The following NCALD variants were observed in gnomAD, a reference collection of about 807,000 sequenced individuals.
NCALD encodes the protein neurocalcin-delta.
In NCALD, 10 loss-of-function variants were observed where a neutral mutation model predicts 18.6. That is an observed-to-expected ratio of 0.54 (90% CI 0.33 to 0.91). The LOEUF is 0.91. Ranked by LOEUF, NCALD falls within the 40% of genes least tolerant of loss-of-function variation. The probability of loss-of-function intolerance (pLI) is 0.03; values close to 1 mark genes in which losing one functional copy is unlikely to be tolerated. For missense variants in NCALD, 184 were observed against 247.6 expected (o/e 0.74, Z 1.72); for synonymous variants, 88 against 87.4 (o/e 1.01, Z -0.04).
At chr8:101,699,268 C>A in intron 2 of NCALD, among the ~76,000 whole-genome samples, 1 of 152,160 alleles carries the variant, frequency 6.6e-6, no homozygotes, top group East Asian at 1.9e-4. Context: ...ACAATAGATG[C>A]TGGTGAGGCT....
At chr8:101,750,669 T>C (rs1404866173) in intron 1 of NCALD, 2 of 152,260 alleles carry the variant, frequency 1.3e-5, no homozygotes, top group African/African-American at 4.8e-5. Flanking sequence ...ATTCTCCTTT[T>C]AAAAATTCCC....
intron 2 of NCALD, among the ~76,000 whole-genome samples, chr8:101,938,367 T>G (rs1408758889): frequency 6.6e-6 from 1 of 152,206 alleles, no homozygotes; most frequent in East Asian, 1.9e-4. Context: ...AGTGAAGCCA[T>G]AGCTCAGAGG....
intron 1 of NCALD, among the ~76,000 whole-genome samples, chr8:101,753,996 C>A (rs911495983): frequency 2.0e-5 from 3 of 152,140 alleles, no homozygotes. Context: ...GACAATGCCC[C>A]AACCACTGGT....
chr8:101,891,937 G>A (rs1358379738), intron 3 of NCALD, among the ~76,000 whole-genome samples: 1 of 152,202 alleles, frequency 6.6e-6, no homozygotes, highest in Non-Finnish European at 1.5e-5. Flanking sequence ...GGCTGGGGGA[G>A]GGGCGCCCGC....
intron 2 of NCALD, among the ~76,000 whole-genome samples, chr8:101,938,393 C>CGGTT (rs1818838842): frequency 6.6e-6 from 1 of 152,178 alleles, no homozygotes; most frequent in Non-Finnish European, 1.5e-5. Flanking sequence ...AAGTCCTCCA[C>CGGTT]GGTTACATAG....
At chr8:101,913,789 C>A (rs372903259) in intron 3 of NCALD, among the ~76,000 whole-genome samples, 1 of 152,298 alleles carries the variant, frequency 6.6e-6, no homozygotes, top group African/African-American at 2.4e-5. Context: ...TCCATGTTGG[C>A]CAGGCTGGTC....
intron 1 of NCALD, among the ~76,000 whole-genome samples, chr8:102,038,681 A>G (rs1328067029): frequency 6.6e-6 from 1 of 152,160 alleles, no homozygotes; most frequent in Non-Finnish European, 1.5e-5. Flanking sequence ...AATTCACTTT[A>G]GCCATGTGGC....
rs1360409177 is a variant in NCALD, at chr8:101,930,023, C to A, written c.-156-14165G>T. ...TGAGCCAAGATCACACCACTGCACTCCAGCCTGGGTGACAGAGTGAGACTC... is the reference window on the plus strand; with the variant it reads ...TGAGCCAAGATCACACCACTGCACTACAGCCTGGGTGACAGAGTGAGACTC... On this transcript the variant is annotated intron_variant, in intron 2 of 6. Transcript: ENST00000311028. Among the ~76,000 whole-genome samples the A allele has an allele frequency of 2.6e-5, 4 of 151,932 alleles. No individual in the cohort carries two copies. In the East Asian group the frequency reaches 7.7e-4, roughly 29 times the overall value.
intron 1 of NCALD, among the ~76,000 whole-genome samples, chr8:102,036,590 C>G (rs2132159858): frequency 6.6e-6 from 1 of 152,074 alleles, no homozygotes; most frequent in Non-Finnish European, 1.5e-5. Flanking sequence ...GCTTGGCTAA[C>G]ATGGTGAAAC....
chr8:101,898,167 T>A (rs1034146333), intron 3 of NCALD, among the ~76,000 whole-genome samples: 1 of 152,216 alleles, frequency 6.6e-6, no homozygotes, highest in African/African-American at 2.4e-5. Flanking sequence ...GTCTCAGGTA[T>A]GTCTTTATTA....
At chr8:101,889,992 T>A (rs933343984) in intron 3 of NCALD, among the ~76,000 whole-genome samples, 5 of 152,152 alleles carry the variant, frequency 3.3e-5, no homozygotes, top group African/African-American at 1.2e-4. Context: ...GTGTTAACCA[T>A]AAAAGGAAGG....
chr8:101,749,122 T>G (rs1453512322), intron 1 of NCALD, among the ~76,000 whole-genome samples: 1 of 152,240 alleles, frequency 6.6e-6, no homozygotes, highest in African/African-American at 2.4e-5. Context: ...TGCTTTGCTT[T>G]CTAACACTTA....
intron 2 of NCALD, among the ~76,000 whole-genome samples, chr8:101,975,957 G>T (rs1586855304): frequency 6.6e-6 from 1 of 152,234 alleles, no homozygotes; most frequent in African/African-American, 2.4e-5. Context: ...TGCTGGTTGG[G>T]TTGTACTCAT....
intron 3 of NCALD, among the ~76,000 whole-genome samples, chr8:101,893,952 C>A (rs1299912113): frequency 6.8e-6 from 1 of 146,830 alleles, no homozygotes; most frequent in Non-Finnish European, 1.5e-5. Context: ...TTAGACAGAT[C>A]AATGAGACAG....
intron 3 of NCALD, among the ~76,000 whole-genome samples, chr8:101,890,054 G>A (rs1021394562): frequency 6.6e-6 from 1 of 152,100 alleles, no homozygotes; most frequent in Non-Finnish European, 1.5e-5. Context: ...TTCATCCAAA[G>A]GTACAATGAA....
chr8:101,835,858 G>A (rs953448280), intron 4 of NCALD, among the ~76,000 whole-genome samples: 17 of 152,098 alleles, frequency 1.1e-4, no homozygotes, highest in Non-Finnish European at 1.8e-4. Flanking sequence ...TTAGAATAGA[G>A]GTTAAAAAGA....
intron 1 of NCALD, among the ~76,000 whole-genome samples, chr8:102,066,788 G>A (rs922090276): frequency 1.3e-5 from 2 of 152,150 alleles, no homozygotes; most frequent in African/African-American, 2.4e-5. Flanking sequence ...AAAATATTGG[G>A]GAAAACTCTT....
At chr8:101,814,278 T>C (rs972042979) in intron 4 of NCALD, among the ~76,000 whole-genome samples, 2 of 152,066 alleles carry the variant, frequency 1.3e-5, no homozygotes, top group Non-Finnish European at 2.9e-5. Flanking sequence ...AATCCAACAA[T>C]ATATTTTTAA....
At chr8:102,078,294 C>G (rs1824413912) in intron 1 of NCALD, among the ~76,000 whole-genome samples, 1 of 152,162 alleles carries the variant, frequency 6.6e-6, no homozygotes, top group Non-Finnish European at 1.5e-5. Context: ...CTGCCATCAC[C>G]TCTCAAGGGG....
Sources: gnomAD v4.1 joint callset for allele counts (sites outside exome capture counted in the v4.1 genomes callset) on GRCh38, gnomAD v4.1.1 for gene constraint, MANE v1.5 for transcripts, NCBI Gene and HGNC (gene_info 2026-07-23, HGNC 2026-07-21) for gene names.